BUB1B: variants seen among roughly 807,000 people sequenced by gnomAD.
BUB1B encodes the protein BUB1 mitotic checkpoint serine/threonine kinase B.
Under a neutral mutation model 137.7 loss-of-function variants are expected in BUB1B, and 86 were observed. That is an observed-to-expected ratio of 0.62 (90% CI 0.52 to 0.75). The LOEUF is 0.75. BUB1B is among the 30% of genes least tolerant of loss of function. BUB1B has a pLI of 0.00. For synonymous variants in BUB1B, 420 were observed against 417.9 expected, an observed-to-expected ratio of 1.00 and a Z score of -0.06; for missense variants, 1,130 against 1,236.9, an observed-to-expected ratio of 0.91 and a Z score of 1.30.
intron 8 of BUB1B, among the ~76,000 whole-genome samples, chr15:40,188,194 C>T (rs1289544775): frequency 4.6e-5 from 7 of 151,966 alleles, no homozygotes; most frequent in Non-Finnish European, 8.8e-5. Context: ...ATTACAGGTT[C>T]GGGCCACCAC....
intron 16 of BUB1B, among the ~76,000 whole-genome samples, chr15:40,209,143 G>T (rs998472610): frequency 6.6e-6 from 1 of 152,064 alleles, no homozygotes; most frequent in African/African-American, 2.4e-5. Flanking sequence ...TTGCCGGCCG[G>T]GTGCGGTGGC....
At chr15:40,177,260 T>A (rs1383678994) in intron 5 of BUB1B, among the ~76,000 whole-genome samples, 1 of 152,214 alleles carries the variant, frequency 6.6e-6, no homozygotes, top group Non-Finnish European at 1.5e-5. Context: ...TTTTCTTGTA[T>A]GGATCGTGCT....
Position 40,196,613 on chromosome 15 carries a change from G to A in BUB1B, c.1127G>A (p.Gly376Glu), listed in dbSNP as rs147150527. 1.2e-5 allele frequency: 20 copies of A among 1,613,892 alleles called. No homozygotes were observed. The highest frequency in any genetic ancestry group is 1.6e-5 in the Non-Finnish European group (19 of 1,179,940). The change falls in exon 9 of 23, where the codon GGA (glycine) becomes GAA (glutamate). Residue 376 changes from glycine to glutamate, a missense_variant. Transcript: ENST00000287598. ...LSTRKPGKEE[G>E]DPLQRVQSHQ... is the part of the protein sequence containing the mutation. ...ACCAGAAAGCCTGGAAAGGAAGAAG[G>A]AGATCCTCTACAAAGGGTTCAGAGC...
intron 8 of BUB1B, among the ~76,000 whole-genome samples, chr15:40,192,848 A>C (rs1364698134): frequency 6.6e-6 from 1 of 152,136 alleles, no homozygotes; most frequent in African/African-American, 2.4e-5. Flanking sequence ...TGCGGTAGAC[A>C]TTCATGTGCA....
At chr15:40,171,200 G>T (rs2037158240) in intron 4 of BUB1B, among the ~76,000 whole-genome samples, 1 of 152,046 alleles carries the variant, frequency 6.6e-6, no homozygotes, top group Admixed American at 6.6e-5. Flanking sequence ...GCCTCCCAAA[G>T]TGCTGGGATT....
chr15:40,197,148 C>G (rs1011673510), intron 9 of BUB1B, among the ~76,000 whole-genome samples: 2 of 152,152 alleles, frequency 1.3e-5, no homozygotes, highest in Non-Finnish European at 2.9e-5. Flanking sequence ...CTATTAAGTA[C>G]TTTTCCTAAT....
rs2140890655 is a variant in BUB1B, at chr15:40,185,159, T to C, written c.752-6T>C. 5 of 1,610,090 alleles carry C rather than the reference T, an allele frequency of 3.1e-6. No homozygotes were observed. The highest frequency in any genetic ancestry group is 3.3e-4 in the Middle Eastern group (2 of 6,058). ...TTACATGAGGTTTTAATATTTTTGC[T>C]CCTAGCTCCAAGCCAGAACAGAGGA... On this transcript the variant is annotated splice_region_variant and splice_polypyrimidine_tract_variant and intron_variant, in intron 6 of 22. Coordinates refer to ENST00000287598, the MANE Select transcript of BUB1B (RefSeq NM_001211.6).
intron 5 of BUB1B, among the ~76,000 whole-genome samples, chr15:40,182,974 T>C (rs1262937633): frequency 1.3e-5 from 2 of 152,154 alleles, no homozygotes; most frequent in African/African-American, 2.4e-5. Context: ...TTGTATATGG[T>C]CTATAGTTTT....
chr15:40,208,869 C>G, intron 16 of BUB1B, 99 bp downstream of exon 16: 1 of 1,265,312 alleles, frequency 7.9e-7, no homozygotes, highest in Non-Finnish European at 1.1e-6. Flanking sequence ...GGGTCTCACT[C>G]TGTCACCCAG....
chr15:40,174,831 G>A (rs1480342126), intron 4 of BUB1B, among the ~76,000 whole-genome samples: 3 of 152,180 alleles, frequency 2.0e-5, no homozygotes, highest in Non-Finnish European at 4.4e-5. Context: ...AGCCGTGGTG[G>A]CGGGCGCCTA....
intron 12 of BUB1B, among the ~76,000 whole-genome samples, chr15:40,201,740 C>T (rs1300951368): frequency 6.6e-6 from 1 of 152,192 alleles, no homozygotes; most frequent in Admixed American, 6.5e-5. Flanking sequence ...GATCTCAGCT[C>T]ACTACAAGCT....
In BUB1B at chr15:40,209,727, G is replaced by A; in HGVS notation, c.2236G>A (p.Glu746Lys). The A allele has an allele frequency of 6.2e-7, 1 of 1,614,182 alleles. No homozygotes were observed. The highest frequency in any genetic ancestry group is 1.1e-5 in the South Asian group (1 of 91,082). Residue 746 changes from glutamate to lysine, a missense_variant, in exon 17 of 23, where the codon GAA becomes AAA. By Grantham distance (56) the Glu-to-Lys change is moderately conservative. Transcript: ENST00000287598. ...ELSASAELCI[E>K]DRPMPKLEIE... ...AAGTGCCTCTGCAGAGTTGTGTATA[G>A]AAGACAGACCAATGCCTAAGTTGGA...
At chr15:40,214,049 A>G (rs1307057136) in intron 20 of BUB1B, among the ~76,000 whole-genome samples, 1 of 152,242 alleles carries the variant, frequency 6.6e-6, no homozygotes, top group African/African-American at 2.4e-5. Context: ...AAATATGAAT[A>G]TTTTGAGGAA....
chr15:40,175,404 A>T (rs1382881345), intron 4 of BUB1B, among the ~76,000 whole-genome samples: 2 of 151,834 alleles, frequency 1.3e-5, no homozygotes, highest in Admixed American at 6.6e-5. Context: ...CTGTAGAAAT[A>T]AAAAAAAATT....
chr15:40,198,584 C>A (rs1211145561), intron 9 of BUB1B, among the ~76,000 whole-genome samples: 2 of 152,188 alleles, frequency 1.3e-5, no homozygotes, highest in Admixed American at 6.5e-5. Flanking sequence ...AGGGCCTACA[C>A]AAAGGTTGTT....
In BUB1B at chr15:40,213,321, T is replaced by A; in HGVS notation, c.2536-11T>A. 6.2e-7 allele frequency: 1 copy of A among 1,613,468 alleles called. No homozygotes were observed. The highest frequency in any genetic ancestry group is 8.5e-7 in the Non-Finnish European group (1 of 1,179,798). On this transcript the variant is annotated splice_polypyrimidine_tract_variant and intron_variant, in intron 19 of 22. Transcript: ENST00000287598. ...TGAGAAATAGTGAGTTTTCTGTCCTTCAATTTCCAGGATCTTCTCCAACAC... is the reference window on the plus strand; with the variant it reads ...TGAGAAATAGTGAGTTTTCTGTCCTACAATTTCCAGGATCTTCTCCAACAC...
rs1271669859 is a variant in BUB1B at position 40,213,465 on chromosome 15, T to G, written c.2669T>G (p.Leu890Arg). The G allele has an allele frequency of 1.2e-6, 2 of 1,614,056 alleles. No individual in the cohort carries two copies. Among genetic ancestry groups the G allele is most frequent in the Non-Finnish European group, 1.7e-6 (2 of 1,180,028 alleles). ...GACTTGAGTCCAAGGTGTCTGATTC[T>G]CAGAAACAGGTTGGTCCTTTTCATT... ...HGDLSPRCLI[L>R]RNRIHDPYDC... Residue 890 changes from leucine (L) to arginine (R), a missense_variant, in exon 20 of 23, where the codon CTC becomes CGC. Transcript: ENST00000287598.
intron 8 of BUB1B, among the ~76,000 whole-genome samples, chr15:40,195,281 A>G (rs977609662): frequency 6.6e-6 from 1 of 152,164 alleles, no homozygotes; most frequent in African/African-American, 2.4e-5. Context: ...ATGGTCTCCA[A>G]TTCCATCCAG....
At chr15:40,213,209 A>G in intron 19 of BUB1B, 123 bp from the exon 20 acceptor site, 1 of 980,414 alleles carries the variant, frequency 1.0e-6, no homozygotes, top group Non-Finnish European at 1.6e-6. Flanking sequence ...CTCAGTCTAC[A>G]GAGGTGCCTA....
Sources: allele counts gnomAD v4.1 joint callset (sites outside exome capture counted in the v4.1 genomes callset), GRCh38; gene constraint gnomAD v4.1.1; transcripts MANE v1.5; gene names NCBI Gene and HGNC (gene_info 2026-07-23, HGNC 2026-07-21).